COL8A1: variants seen among roughly 807,000 people sequenced by gnomAD.
COL8A1 encodes the protein collagen alpha-1(VIII) chain.
Under a neutral mutation model 42.7 loss-of-function variants are expected in COL8A1, and 21 were observed. That is an observed-to-expected ratio of 0.49 (90% confidence interval 0.35 to 0.71). The LOEUF is 0.71. COL8A1 is among the 30% of genes least tolerant of loss of function. The pLI, the probability that COL8A1 is intolerant of heterozygous loss-of-function variation, is 0.01. For synonymous variants in COL8A1, 367 were observed against 369.1 expected (o/e 0.99, Z 0.06); for missense variants, 788 against 962.4 (o/e 0.82, Z 2.40).
At chr3:99,739,843 G>A (rs565733141) in intron 1 of COL8A1, among the ~76,000 whole-genome samples, 14 of 152,152 alleles carry the variant, frequency 9.2e-5, no homozygotes, top group African/African-American at 3.4e-4. Context: ...CATTGCTTAT[G>A]CAAATTTCTG....
chr3:99,734,430 T>G (rs1264165475), intron 1 of COL8A1, among the ~76,000 whole-genome samples: 3 of 150,130 alleles, frequency 2.0e-5, no homozygotes, highest in Non-Finnish European at 4.4e-5. Context: ...TGCTTGTTTT[T>G]CTCAGGTTTG....
intron 1 of COL8A1, among the ~76,000 whole-genome samples, chr3:99,690,459 T>C (rs1436072803): frequency 6.6e-6 from 1 of 152,162 alleles, no homozygotes; most frequent in Non-Finnish European, 1.5e-5. Flanking sequence ...AATTCTAGGG[T>C]AATGGATATT....
At position 99,790,866 on chromosome 3, in the gene COL8A1, C is replaced by T. The variant is rs374141404; in HGVS notation, c.184C>T (p.Pro62Ser). Reference protein sequence around the residue: ...QPLGQQVPHMPLAKDGLAMGK... With the variant: ...QPLGQQVPHMSLAKDGLAMGK... ...CCTGGGTCAGCAAGTACCTCACATG[C>T]CTTTGGCCAAAGATGGCCTTGCCAT... The change falls in exon 3 of 4, where the codon CCT becomes TCT. Residue 62 changes from proline to serine, a missense_variant. Coordinates refer to ENST00000652472, the MANE Select transcript of COL8A1 (RefSeq NM_020351.4). The T allele has an allele frequency of 1.4e-5, 22 of 1,614,150 alleles. No homozygotes were observed. In the Middle Eastern group the frequency reaches 1.3e-3, roughly 96 times the overall value.
chr3:99,748,772 A>G (rs1559626300), intron 2 of COL8A1, among the ~76,000 whole-genome samples: 1 of 152,174 alleles, frequency 6.6e-6, no homozygotes, highest in African/African-American at 2.4e-5. Context: ...GCATTCTCAC[A>G]CATCTTCCAC....
In COL8A1 at chr3:99,795,060, G is replaced by C; in HGVS notation, c.1159G>C (p.Gly387Arg). The C allele has an allele frequency of 6.2e-7, 1 of 1,609,790 alleles. No individual in the cohort carries two copies. The highest frequency in any genetic ancestry group is 2.2e-5 in the East Asian group (1 of 44,818). ...ACCAATAGGTGCCCCAGGAATAGGGGGTCCTCCAGGAGAGCCAGGCCTGCC... is the reference window on the plus strand; with the variant it reads ...ACCAATAGGTGCCCCAGGAATAGGGCGTCCTCCAGGAGAGCCAGGCCTGCC... ...KGPIGAPGIG[G>R]PPGEPGLPGI... is the part of the protein sequence containing the mutation. Residue 387 changes from glycine to arginine, a missense_variant, in exon 4 of 4, where the codon GGT becomes CGT. This residue lies in a region of COL8A1 where 421 missense variants were observed against 553.1 expected (regional missense o/e 0.76). Transcript: ENST00000652472.
At chr3:99,774,077 T>G (rs1267129102) in intron 2 of COL8A1, among the ~76,000 whole-genome samples, 1 of 150,962 alleles carries the variant, frequency 6.6e-6, no homozygotes, top group Non-Finnish European at 1.5e-5. Context: ...ACTCCCGATC[T>G]CAGGCAATCC....
intron 1 of COL8A1, among the ~76,000 whole-genome samples, chr3:99,730,184 G>C (rs761320280): frequency 6.6e-6 from 1 of 152,036 alleles, no homozygotes; most frequent in Non-Finnish European, 1.5e-5. Flanking sequence ...CTGCACAGTC[G>C]TAAGGATTAA....
At chr3:99,715,882 G>T (rs111599010) in intron 1 of COL8A1, among the ~76,000 whole-genome samples, 232 of 152,054 alleles carry the variant, frequency 1.5e-3, no homozygotes, top group African/African-American at 5.2e-3. Flanking sequence ...AAGACTAGTG[G>T]ACTCCTGGAG....
At chr3:99,787,037 C>T (rs1941910009) in intron 2 of COL8A1, among the ~76,000 whole-genome samples, 2 of 152,262 alleles carry the variant, frequency 1.3e-5, no homozygotes, top group South Asian at 2.1e-4. Flanking sequence ...GACACACATA[C>T]ATACACAAAG....
chr3:99,733,756 G>A (rs1251831969), intron 1 of COL8A1, among the ~76,000 whole-genome samples: 1 of 151,290 alleles, frequency 6.6e-6, no homozygotes, highest in South Asian at 2.1e-4. Flanking sequence ...CTAGTTTACA[G>A]TCCCACCAAC....
At chr3:99,730,324 C>T (rs1213605817) in intron 1 of COL8A1, among the ~76,000 whole-genome samples, 1 of 152,140 alleles carries the variant, frequency 6.6e-6, no homozygotes, top group Non-Finnish European at 1.5e-5. Context: ...AAATTCAAAA[C>T]TGGTGAAGAT....
chr3:99,696,026 C>A (rs1045017943), intron 1 of COL8A1, among the ~76,000 whole-genome samples: 4 of 152,150 alleles, frequency 2.6e-5, no homozygotes, highest in African/African-American at 9.7e-5. Context: ...CCCAGCTACT[C>A]AGGAGGCTGA....
Position 99,795,147 on chromosome 3 carries a change from G to T in COL8A1, c.1246G>T (p.Gly416Cys). 1 of 1,613,798 alleles carries T rather than the reference G, an allele frequency of 6.2e-7. No individual in the cohort carries two copies. Residue 416 changes from glycine (G) to cysteine (C), a missense_variant, in exon 4 of 4, where the codon GGT becomes TGT. Gly to Cys is a radical substitution (Grantham distance 159). Coordinates refer to ENST00000652472, the MANE Select transcript of COL8A1 (RefSeq NM_020351.4). The stretch of plus-strand genomic sequence containing the variant: ...TGGTTTTCCTGGACCCAAAGGAGAA[G>T]GTGGGATTGTAGGGCCACAGGGGCC... ...AIGFPGPKGE[G>C]GIVGPQGPPG...
chr3:99,704,119 T>C (rs1305754197), intron 1 of COL8A1, among the ~76,000 whole-genome samples: 3 of 152,198 alleles, frequency 2.0e-5, no homozygotes, highest in Non-Finnish European at 4.4e-5. Flanking sequence ...ATGTAAAATG[T>C]TTACATATAT....
In COL8A1 at chr3:99,796,432, T is replaced by C; in HGVS notation, c.*296T>C. The C allele has an allele frequency of 8.2e-6, 2 of 244,556 alleles. No individual in the cohort carries two copies. The highest frequency in any genetic ancestry group is 1.6e-5 in the Non-Finnish European group (2 of 127,260). 15.1% of individuals were successfully genotyped at this position (244,556 alleles called of 1,614,324 possible). A position where few individuals can be genotyped will look rare whatever the true frequency, so the allele number is the denominator to read the frequency against. On this transcript the variant is annotated 3_prime_UTR_variant, in exon 4 of 4. Transcript: ENST00000652472. The stretch of plus-strand genomic sequence containing the variant: ...TATGTTATATGCTTCCACAGTAACC[T>C]GCTTATTCAGATCAGTCAAAATATA...
chr3:99,790,499 T>C (rs1941979388), intron 2 of COL8A1, among the ~76,000 whole-genome samples, 181 bp from the exon 3 acceptor site: 1 of 152,352 alleles, frequency 6.6e-6, no homozygotes, highest in East Asian at 1.9e-4. Context: ...TCCACTATTC[T>C]CTATTTTTTG....
At chr3:99,738,991 G>A (rs1319352960) in intron 1 of COL8A1, among the ~76,000 whole-genome samples, 2 of 152,108 alleles carry the variant, frequency 1.3e-5, no homozygotes, top group African/African-American at 4.8e-5. Flanking sequence ...AATTTTCCAG[G>A]TGCTGTCCGT....
chr3:99,744,323 A>C (rs1940972178), intron 1 of COL8A1, among the ~76,000 whole-genome samples: 1 of 152,270 alleles, frequency 6.6e-6, no homozygotes, highest in South Asian at 2.1e-4. Context: ...AATACATTTT[A>C]ATTGGAGACA....
chr3:99,707,464 C>T (rs1167295252), intron 1 of COL8A1, among the ~76,000 whole-genome samples: 1 of 152,160 alleles, frequency 6.6e-6, no homozygotes, highest in South Asian at 2.1e-4. Flanking sequence ...TAACTATTGT[C>T]CTCCTTGCTT....
Sources: allele counts gnomAD v4.1 joint callset (sites outside exome capture counted in the v4.1 genomes callset), GRCh38; gene constraint gnomAD v4.1.1; regional missense constraint gnomAD v4.1.1; transcripts MANE v1.5; gene names NCBI Gene and HGNC (gene_info 2026-07-23, HGNC 2026-07-21).